The following GMDS variants were observed in gnomAD, a reference collection of about 807,000 sequenced individuals.
GMDS encodes GDP-mannose 4,6 dehydratase.
In GMDS, 20 loss-of-function variants were observed where a neutral mutation model predicts 49.9. The ratio of observed to expected loss-of-function variants is 0.40; its 90% CI spans 0.28 to 0.58. The LOEUF is 0.58. Ranked by LOEUF, GMDS falls within the 20% of genes least tolerant of loss-of-function variation. The pLI is 0.42. For synonymous variants in GMDS, 177 were observed against 178.6 expected, an observed-to-expected ratio of 0.99 and a Z score of 0.07; for missense variants, 362 against 481.4, an observed-to-expected ratio of 0.75 and a Z score of 2.32.
intron 4 of GMDS, among the ~76,000 whole-genome samples, chr6:2,017,475 A>C (rs906198975): frequency 1.3e-5 from 2 of 151,958 alleles, no homozygotes; most frequent in Non-Finnish European, 2.9e-5. Context: ...CACCCAGCTA[A>C]TTTTTGTATT....
chr6:1,779,113 G>A (rs531810283), intron 7 of GMDS, among the ~76,000 whole-genome samples: 17 of 152,180 alleles, frequency 1.1e-4, no homozygotes, highest in South Asian at 4.2e-4. Flanking sequence ...GATCACCACC[G>A]TCCACATGCC....
At chr6:1,894,984 A>G (rs1760078763) in intron 7 of GMDS, among the ~76,000 whole-genome samples, 1 of 152,160 alleles carries the variant, frequency 6.6e-6, no homozygotes, top group Non-Finnish European at 1.5e-5. Flanking sequence ...TAGGGTCTAC[A>G]ATTTATCAAC....
chr6:2,082,273 C>G (rs567097493), intron 4 of GMDS, among the ~76,000 whole-genome samples: 1 of 152,294 alleles, frequency 6.6e-6, no homozygotes, highest in African/African-American at 2.4e-5. Flanking sequence ...TGGTCATTCC[C>G]TCGATGCACT....
intron 1 of GMDS, among the ~76,000 whole-genome samples, chr6:2,127,299 C>T (rs1365445698): frequency 6.6e-6 from 1 of 152,000 alleles, no homozygotes; most frequent in Non-Finnish European, 1.5e-5. Flanking sequence ...GAAGTTTGGA[C>T]TTTGTTTTGC....
intron 9 of GMDS, among the ~76,000 whole-genome samples, chr6:1,654,088 CA>C (rs1260460839): frequency 1.3e-5 from 2 of 152,156 alleles, no homozygotes; most frequent in South Asian, 4.2e-4. Context: ...GGTTTACTAT[CA>C]AAAAACCCAG....
At chr6:1,948,465 A>G (rs529609107) in intron 6 of GMDS, among the ~76,000 whole-genome samples, 208 of 152,266 alleles carry the variant, frequency 1.4e-3, no homozygotes, top group Non-Finnish European at 2.5e-3. Context: ...TTACAGGACC[A>G]TTAAAAAAAT....
chr6:1,633,308 G>A (rs1488577873), intron 9 of GMDS, among the ~76,000 whole-genome samples: 1 of 152,186 alleles, frequency 6.6e-6, no homozygotes. Context: ...ACAGAGTGTA[G>A]AAGATTTTGT....
intron 1 of GMDS, among the ~76,000 whole-genome samples, chr6:2,141,046 G>C (rs939841749): frequency 1.3e-5 from 2 of 152,190 alleles, no homozygotes; most frequent in Non-Finnish European, 2.9e-5. Context: ...GAAGTGTTGT[G>C]CTAGAGAGCA....
intron 8 of GMDS, among the ~76,000 whole-genome samples, chr6:1,741,065 A>G (rs1447401856): frequency 2.0e-5 from 3 of 152,320 alleles, no homozygotes; most frequent in East Asian, 1.9e-4. Flanking sequence ...TTGACACATT[A>G]TAATTGTACA....
At chr6:2,233,029 G>C (rs1418698907) in intron 1 of GMDS, among the ~76,000 whole-genome samples, 1 of 152,198 alleles carries the variant, frequency 6.6e-6, no homozygotes, top group South Asian at 2.1e-4. Flanking sequence ...AATGGGTATG[G>C]GCTCTCCTTC....
At position 2,227,285 on chromosome 6, in the gene GMDS, T is replaced by G. The variant is rs548141102; in HGVS notation, c.102+18036A>C. Among the ~76,000 whole-genome samples the G allele has an allele frequency of 3.3e-5, 5 of 152,130 alleles. No homozygotes were observed. The South Asian group carries it at 1.0e-3, about 32-fold the overall frequency. On this transcript the variant is annotated intron_variant, in intron 1 of 10. Transcript: ENST00000380815. ...TGGTTCTCAACCACAACACCTCACT[T>G]TTCAAACACCTCAGAATGTTTCTAA... is the stretch of plus-strand genomic sequence containing the variant.
chr6:2,239,907 C>T (rs767475363), intron 1 of GMDS, among the ~76,000 whole-genome samples: 2 of 152,098 alleles, frequency 1.3e-5, no homozygotes, highest in Admixed American at 6.5e-5. Flanking sequence ...AGGATGGTAT[C>T]GATCTCCTGA....
rs774099878 is a variant in GMDS at position 2,185,063 on chromosome 6, T to C, written c.102+60258A>G. On this transcript the variant is annotated intron_variant, in intron 1 of 10. Coordinates refer to ENST00000380815, the MANE Select transcript of GMDS (RefSeq NM_001500.4). ...TTCTATGGTGGAGGCCCAGGGAGGA[T>C]AGGCTATTGGTCAAGCCGACAAGGC... is the stretch of plus-strand genomic sequence containing the variant. Among the ~76,000 whole-genome samples the C allele has an allele frequency of 5.3e-5, 8 of 152,214 alleles. No individual in the cohort carries two copies. In the South Asian group the frequency reaches 8.3e-4, roughly 16 times the overall value.
At chr6:1,961,976 G>T (rs796301405) in intron 4 of GMDS, among the ~76,000 whole-genome samples, 2 of 152,122 alleles carry the variant, frequency 1.3e-5, no homozygotes, top group African/African-American at 4.8e-5. Context: ...GTGGCTGCCG[G>T]GAAATCAAAA....
At chr6:2,144,580 G>A (rs1048276079) in intron 1 of GMDS, among the ~76,000 whole-genome samples, 1 of 152,196 alleles carries the variant, frequency 6.6e-6, no homozygotes, top group Admixed American at 6.5e-5. Context: ...TGAAGTGTAA[G>A]GGCCAGATAG....
intron 7 of GMDS, among the ~76,000 whole-genome samples, chr6:1,761,905 GA>G (rs995897897): frequency 4.0e-5 from 6 of 149,958 alleles, no homozygotes; most frequent in African/African-American, 7.3e-5. Context: ...CACTGGAGAC[GA>G]AAAAAAAACT....
chr6:1,885,855 C>A (rs1759577480), intron 7 of GMDS, among the ~76,000 whole-genome samples: 1 of 152,216 alleles, frequency 6.6e-6, no homozygotes, highest in African/African-American at 2.4e-5. Flanking sequence ...TTTACCCTTT[C>A]CTCTTGTTCC....
intron 4 of GMDS, among the ~76,000 whole-genome samples, chr6:2,013,225 A>T (rs967906315): frequency 4.6e-5 from 7 of 152,218 alleles, no homozygotes; most frequent in African/African-American, 1.7e-4. Context: ...TAGACAAGAG[A>T]GTGAAGAAAC....
At chr6:1,970,763 G>A (rs59797963) in intron 4 of GMDS, among the ~76,000 whole-genome samples, 3,624 of 152,214 alleles carry the variant, frequency 0.024, 142 homozygotes, top group African/African-American at 0.081. Flanking sequence ...AGTAGGGTCC[G>A]CAGGCACAGG....
Sources: allele counts gnomAD v4.1 joint callset (sites outside exome capture counted in the v4.1 genomes callset), GRCh38; gene constraint gnomAD v4.1.1; transcripts MANE v1.5; gene names NCBI Gene and HGNC (gene_info 2026-07-23, HGNC 2026-07-21).